Variants in C2CD5 observed in about 807,000 individuals in gnomAD.
The protein encoded by C2CD5 is C2 domain-containing protein 5.
C2CD5 carries 109 observed loss-of-function variants against 130.3 expected under a neutral mutation model. That is an observed-to-expected ratio of 0.84 (90% CI 0.72 to 0.98). The LOEUF (loss-of-function observed/expected upper bound fraction) is 0.98, where lower values mean the gene tolerates loss of function less well. C2CD5 is among the 50% of genes least tolerant of loss of function. The probability of loss-of-function intolerance (pLI) is 0.00; values close to 1 mark genes in which losing one functional copy is unlikely to be tolerated. For synonymous variants in C2CD5, 454 were observed against 429.2 expected (o/e 1.06, Z -0.71); for missense variants, 996 against 1,261.8 (o/e 0.79, Z 3.19).
chr12:22,489,198 A>G (rs1194724193), intron 12 of C2CD5, among the ~76,000 whole-genome samples: 2 of 151,718 alleles, frequency 1.3e-5, no homozygotes, highest in Non-Finnish European at 2.9e-5. Context: ...CTTAATATAT[A>G]CTTAATATAT....
chr12:22,544,482 T>TCAAAAATGGA lies in C2CD5; in HGVS notation c.-193_-192insTCCATTTTTG. The TCAAAAATGGA allele has an allele frequency of 4.8e-6, 1 of 209,102 alleles. No individual in the cohort carries two copies. The highest frequency in any genetic ancestry group is 1.3e-4 in the East Asian group (1 of 7,834). 13.0% of individuals were successfully genotyped at this position (209,102 alleles called of 1,614,324 possible). On this transcript the variant is annotated 5_prime_UTR_variant, in exon 1 of 27. The change creates a premature stop within an existing upstream ORF in the 5' untranslated region. Coordinates refer to ENST00000446597, the MANE Select transcript of C2CD5 (RefSeq NM_001286176.2). ...CCGTTGAGCCTCTGCCGCCCCTGCT[T>TCAAAAATGGA]GTCTCTCCTCCCCCGCTCTCAAAAA... is the stretch of plus-strand genomic sequence containing the variant.
chr12:22,528,713 T>G (rs1423054546), intron 3 of C2CD5, among the ~76,000 whole-genome samples: 1 of 152,158 alleles, frequency 6.6e-6, no homozygotes, highest in East Asian at 1.9e-4. Flanking sequence ...AGACATACCA[T>G]ACTATTAAGA....
chr12:22,503,283 T>A (rs965623763), intron 10 of C2CD5, among the ~76,000 whole-genome samples: 1 of 152,282 alleles, frequency 6.6e-6, no homozygotes, highest in South Asian at 2.1e-4. Context: ...TCTCAATCCA[T>A]CGTTAAGTCT....
At chr12:22,522,086 T>C (rs981307989) in intron 7 of C2CD5, among the ~76,000 whole-genome samples, 2 of 152,192 alleles carry the variant, frequency 1.3e-5, no homozygotes, top group Non-Finnish European at 2.9e-5. Flanking sequence ...CTGTATTCAC[T>C]TGCATACTGT....
rs546604780 is a variant in C2CD5, at chr12:22,522,303, G to A, written c.800+1123C>T. On this transcript the variant is annotated intron_variant, in intron 7 of 26. Coordinates refer to ENST00000446597, the MANE Select transcript of C2CD5 (RefSeq NM_001286176.2). ...TGTATAGGGTTGTCCCTTGCTGTGC[G>A]GGATAGTCAGCGTTTTTAGTCCCCA... Among the ~76,000 whole-genome samples, 69 of 152,188 alleles carry A rather than the reference G, an allele frequency of 4.5e-4. 1 individual carries two copies. The highest frequency in any genetic ancestry group is 8.5e-4 in the Non-Finnish European group (58 of 68,014).
At chr12:22,480,362 C>T (rs1565692760) in intron 14 of C2CD5, among the ~76,000 whole-genome samples, 1 of 152,158 alleles carries the variant, frequency 6.6e-6, no homozygotes, top group South Asian at 2.1e-4. Context: ...TGCCAGACAC[C>T]TCGTCGGCAC....
intron 10 of C2CD5, among the ~76,000 whole-genome samples, chr12:22,496,325 G>T (rs567429973): frequency 1.6e-3 from 244 of 152,034 alleles, no homozygotes; most frequent in Middle Eastern, 0.01. Context: ...AATGTATTGT[G>T]TTTTCCTATA....
At chr12:22,534,480 G>C (rs1387072484) in intron 3 of C2CD5, among the ~76,000 whole-genome samples, 1 of 151,944 alleles carries the variant, frequency 6.6e-6, no homozygotes, top group African/African-American at 2.4e-5. Flanking sequence ...TTATATATCT[G>C]ATAATAAGTT....
At chr12:22,504,080 C>G (rs1329430306) in intron 10 of C2CD5, among the ~76,000 whole-genome samples, 1 of 151,900 alleles carries the variant, frequency 6.6e-6, no homozygotes, top group African/African-American at 2.4e-5. Flanking sequence ...AGGAATCATT[C>G]TTTTCTTCCC....
intron 14 of C2CD5, among the ~76,000 whole-genome samples, chr12:22,482,325 C>A (rs1255227246): frequency 6.6e-6 from 1 of 152,022 alleles, no homozygotes; most frequent in Admixed American, 6.6e-5. Flanking sequence ...ATTAAGCAAG[C>A]GACAAATGAT....
At chr12:22,525,058 C>T (rs886724343) in intron 5 of C2CD5, among the ~76,000 whole-genome samples, 3 of 152,122 alleles carry the variant, frequency 2.0e-5, no homozygotes, top group Non-Finnish European at 2.9e-5. Flanking sequence ...ATAGCAGTTT[C>T]AAAAATCAAA....
At chr12:22,493,931 A>C (rs1490401033) in intron 10 of C2CD5, among the ~76,000 whole-genome samples, 1 of 152,030 alleles carries the variant, frequency 6.6e-6, no homozygotes, top group Non-Finnish European at 1.5e-5. Flanking sequence ...GCACACTTAA[A>C]ATATTAACAC....
intron 8 of C2CD5, among the ~76,000 whole-genome samples, chr12:22,514,129 G>A (rs11046454): frequency 0.16 from 24,186 of 151,984 alleles, 3,825 homozygotes; most frequent in African/African-American, 0.41. Flanking sequence ...GACCATGCCA[G>A]TAGATCAACT....
chr12:22,509,158 G>T (rs986431866), intron 9 of C2CD5, among the ~76,000 whole-genome samples: 1 of 152,162 alleles, frequency 6.6e-6, no homozygotes, highest in Non-Finnish European at 1.5e-5. Context: ...GATTACAGGC[G>T]TGAGCCACCG....
intron 3 of C2CD5, among the ~76,000 whole-genome samples, chr12:22,529,356 C>T (rs970390385): frequency 6.6e-6 from 1 of 152,136 alleles, no homozygotes; most frequent in African/African-American, 2.4e-5. Flanking sequence ...ACATTCCCCC[C>T]AATTTCTAAC....
chr12:22,530,998 T>G (rs1951218441), intron 3 of C2CD5, among the ~76,000 whole-genome samples: 1 of 152,054 alleles, frequency 6.6e-6, no homozygotes, highest in South Asian at 2.1e-4. Context: ...TAATGAAAAC[T>G]ATTCGTTTTT....
At chr12:22,463,000 C>T (rs375963055) in intron 22 of C2CD5, among the ~76,000 whole-genome samples, 1 of 151,888 alleles carries the variant, frequency 6.6e-6, no homozygotes, top group Non-Finnish European at 1.5e-5. Flanking sequence ...GGGAGGATCG[C>T]TTGAACCCAG....
intron 13 of C2CD5, 26 bp downstream of exon 13, chr12:22,484,671 A>G: frequency 7.3e-7 from 1 of 1,377,586 alleles, no homozygotes; most frequent in Non-Finnish European, 9.8e-7. Flanking sequence ...TTTCAGGGAC[A>G]CCGAGTGTTG....
intron 10 of C2CD5, among the ~76,000 whole-genome samples, chr12:22,504,201 C>G (rs982415247): frequency 1.3e-5 from 2 of 151,860 alleles, no homozygotes; most frequent in Non-Finnish European, 2.9e-5. Context: ...AAATACAACT[C>G]TCTACTTAAA....
Sources: gnomAD v4.1 joint callset for allele counts (sites outside exome capture counted in the v4.1 genomes callset) on GRCh38, gnomAD v4.1.1 for gene constraint, MANE v1.5 for transcripts, NCBI Gene and HGNC (gene_info 2026-07-23, HGNC 2026-07-21) for gene names.